Variants in ASB7 observed in about 807,000 individuals in gnomAD.
The protein encoded by ASB7 is ankyrin repeat and SOCS box protein 7.
ASB7 carries 4 observed loss-of-function variants against 32.5 expected under a neutral mutation model. The ratio of observed to expected loss-of-function variants is 0.12; its 90% CI spans 0.06 to 0.28. The LOEUF (loss-of-function observed/expected upper bound fraction) is 0.28. ASB7 is among the 10% of genes least tolerant of loss of function. ASB7 has a pLI of 1.00. For synonymous variants in ASB7, 172 were observed against 155.6 expected, an observed-to-expected ratio of 1.11 and a Z score of -0.78; for missense variants, 181 against 407.1, an observed-to-expected ratio of 0.44 and a Z score of 4.78.
chr15:100,647,599 C>T (rs1041443712), intron 5 of ASB7, among the ~76,000 whole-genome samples: 14 of 152,102 alleles, frequency 9.2e-5, no homozygotes, highest in East Asian at 1.9e-4. Context: ...TGAGATATAA[C>T]GGGTTTTTAT....
intron 4 of ASB7, among the ~76,000 whole-genome samples, chr15:100,627,868 A>T (rs1336023115): frequency 1.3e-5 from 2 of 150,734 alleles, no homozygotes; most frequent in African/African-American, 5.0e-5. Flanking sequence ...CATCTTGTAG[A>T]TTTCACGCCT....
At chr15:100,647,431 T>C (rs1016437080) in intron 5 of ASB7, among the ~76,000 whole-genome samples, 2 of 152,242 alleles carry the variant, frequency 1.3e-5, no homozygotes. Flanking sequence ...TTAGCTTTAT[T>C]ATCATGTTTA....
chr15:100,602,785 C>T lies in ASB7; in HGVS notation c.-534C>T, dbSNP rs2039561757. 2.6e-6 allele frequency: 1 copy of T among 389,922 alleles called. No homozygotes were observed. The highest frequency in any genetic ancestry group is 2.1e-5 in the African/African-American group (1 of 48,262). The allele number at this position is 389,922 out of a possible 1,614,324, so 24.2% of individuals were successfully genotyped here. A position where few individuals can be genotyped will look rare whatever the true frequency, so the allele number is the denominator to read the frequency against. On this transcript the variant is annotated 5_prime_UTR_variant, in exon 1 of 6. Coordinates refer to ENST00000332783, the MANE Select transcript of ASB7 (RefSeq NM_198243.3). ...AGCGCGGCAGCCCCCTGCTCCGAGC[C>T]CTGGACCGGGACTGCCCCCCCACCC...
intron 4 of ASB7, among the ~76,000 whole-genome samples, chr15:100,616,095 T>C (rs181749685): frequency 8.5e-5 from 13 of 152,346 alleles, no homozygotes; most frequent in Admixed American, 6.5e-5. Context: ...GGATAGTGCC[T>C]GTTCACCTGC....
At chr15:100,628,849 G>T (rs946669452) in intron 4 of ASB7, among the ~76,000 whole-genome samples, 1 of 152,144 alleles carries the variant, frequency 6.6e-6, no homozygotes, top group Non-Finnish European at 1.5e-5. Context: ...ATTCAGAATA[G>T]ACTTCTATCT....
chr15:100,647,004 A>G (rs1351031532), intron 5 of ASB7, among the ~76,000 whole-genome samples: 1 of 86,070 alleles, frequency 1.2e-5, no homozygotes, highest in Non-Finnish European at 2.3e-5. Context: ...CTTTGCAAAA[A>G]TGTGAAAGAA....
rs573836991 is a variant in ASB7 at position 100,629,094 on chromosome 15, A to G, written c.212-343A>G. Among the ~76,000 whole-genome samples, 4 of 152,372 alleles carry G rather than the reference A, an allele frequency of 2.6e-5. No individual in the cohort carries two copies. Among genetic ancestry groups the G allele is most frequent in the African/African-American group, 9.6e-5 (4 of 41,604 alleles). ...AAAAAGTTCAAAACAGAAGAGAAAC[A>G]TGAAACAGTGCAGAGATGAAGGAGT... On this transcript the variant is annotated intron_variant, in intron 4 of 5. Coordinates refer to ENST00000332783, the MANE Select transcript of ASB7 (RefSeq NM_198243.3). This position sits in a 1 kb window ranked among gnomAD's most constrained non-coding sequence, Gnocchi z 6.8.
intron 5 of ASB7, among the ~76,000 whole-genome samples, chr15:100,633,324 C>G (rs1201983528): frequency 8.6e-5 from 13 of 151,976 alleles, no homozygotes. Context: ...TGCCTGTAAT[C>G]CTAGCACTTT....
At chr15:100,620,788 A>G (rs1367193651) in intron 4 of ASB7, among the ~76,000 whole-genome samples, 2 of 152,226 alleles carry the variant, frequency 1.3e-5, no homozygotes, top group East Asian at 3.8e-4. Flanking sequence ...TGGACATTTC[A>G]AGAAAATAAC....
In ASB7 at chr15:100,629,531, A is replaced by G; in HGVS notation, c.306A>G (p.Glu102=). 1 of 1,614,168 alleles carries G rather than the reference A, an allele frequency of 6.2e-7. No individual in the cohort carries two copies. Among genetic ancestry groups the G allele is most frequent in the African/African-American group, 1.3e-5 (1 of 75,062 alleles). The change falls in exon 5 of 6, where the codon GAA becomes GAG. Residue 102 remains glutamate (E), a synonymous_variant. Coordinates refer to ENST00000332783, the MANE Select transcript of ASB7 (RefSeq NM_198243.3). The surrounding 1 kb of genome is among the most constrained non-coding windows in gnomAD (Gnocchi z 6.8). ...GRARIARLML[E]SEYRSDIINA... is the part of the protein sequence containing the mutation. ...CCCGCATTGCACGCTTGATGTTAGA[A>G]TCTGAATACAGGAGCGACATCATTA... is the stretch of plus-strand genomic sequence containing the variant.
At chr15:100,603,162 C>CTT in intron 1 of ASB7, 53 bp from the exon 2 acceptor site, 1 of 393,768 alleles carries the variant, frequency 2.5e-6, no homozygotes, top group Non-Finnish European at 4.5e-6. Flanking sequence ...TCCTGAGCTC[C>CTT]CCCCTCCCCA....
intron 5 of ASB7, among the ~76,000 whole-genome samples, chr15:100,632,440 C>A (rs1597008392): frequency 6.6e-6 from 1 of 152,200 alleles, no homozygotes; most frequent in South Asian, 2.1e-4. Flanking sequence ...CCTGTGTGTT[C>A]TTTGGCTCTA....
At chr15:100,621,378 A>G (rs1278230982) in intron 4 of ASB7, among the ~76,000 whole-genome samples, 1 of 152,234 alleles carries the variant, frequency 6.6e-6, no homozygotes, top group Non-Finnish European at 1.5e-5. Context: ...AAACGTAGGC[A>G]TTCTCAATGC....
At chr15:100,644,094 A>G (rs1329268854) in intron 5 of ASB7, among the ~76,000 whole-genome samples, 1 of 151,930 alleles carries the variant, frequency 6.6e-6, no homozygotes, top group Non-Finnish European at 1.5e-5. Context: ...CTAAAAATAC[A>G]AAAGTTAGCT....
intron 4 of ASB7, among the ~76,000 whole-genome samples, chr15:100,622,866 T>C (rs1409494074): frequency 6.6e-6 from 1 of 152,210 alleles, no homozygotes; most frequent in Non-Finnish European, 1.5e-5. Flanking sequence ...TTCAGGACAT[T>C]GCTTTAGGCA....
chr15:100,632,856 C>CA (rs779025596), intron 5 of ASB7, among the ~76,000 whole-genome samples: 1,046 of 64,112 alleles, frequency 0.016, 5 homozygotes, highest in East Asian at 0.028. Flanking sequence ...CTATATAGTG[C>CA]AAAAAAAAAA....
chr15:100,637,342 A>G (rs1254690563), intron 5 of ASB7, among the ~76,000 whole-genome samples: 1 of 152,252 alleles, frequency 6.6e-6, no homozygotes, highest in Non-Finnish European at 1.5e-5. Flanking sequence ...GACAGGACTT[A>G]GGGCCAGTCA....
rs34651563 is a variant in ASB7 at position 100,609,562 on chromosome 15, A to T, written c.-173-145A>T. 27,966 of 152,228 alleles carry T rather than the reference A, an allele frequency of 0.18. 3,366 individuals carry two copies. The highest frequency in any genetic ancestry group is 0.27 in the Non-Finnish European group (18,124 of 67,996). The allele number at this position is 152,228 out of a possible 1,614,324, so 9.4% of individuals were successfully genotyped here. ...CATATGTAACAAGATTATTTTCTGT[A>T]AGAGTTGATCTGAGTTCTTTCTCTG... is the stretch of plus-strand genomic sequence containing the variant. On this transcript the variant is annotated intron_variant, in intron 2 of 5. Coordinates refer to ENST00000332783, the MANE Select transcript of ASB7 (RefSeq NM_198243.3).
chr15:100,605,954 G>C (rs1234966278), intron 2 of ASB7, among the ~76,000 whole-genome samples: 1 of 152,218 alleles, frequency 6.6e-6, no homozygotes, highest in Non-Finnish European at 1.5e-5. Flanking sequence ...TGGAGGCCCA[G>C]TAATTTGGAG....
Sources: gnomAD v4.1 joint callset for allele counts (sites outside exome capture counted in the v4.1 genomes callset) on GRCh38, gnomAD v4.1.1 for gene constraint, Gnocchi (gnomAD v3.1) non-coding constraint, MANE v1.5 for transcripts, NCBI Gene and HGNC (gene_info 2026-07-23, HGNC 2026-07-21) for gene names.